The following GLI2 variants were observed in gnomAD, a reference collection of about 807,000 sequenced individuals.
The protein encoded by GLI2 is transcription activator GLI2.
GLI2 carries 22 observed loss-of-function variants against 78.9 expected under a neutral mutation model. That is an observed-to-expected ratio of 0.28 (90% CI 0.20 to 0.40). GLI2 has a LOEUF of 0.40. Among genes scored for constraint, GLI2 ranks in the 10% least tolerant of loss-of-function variants. GLI2 has a pLI of 1.00. For synonymous variants in GLI2, 974 were observed against 963.7 expected, an observed-to-expected ratio of 1.01 and a Z score of -0.20; for missense variants, 2,097 against 2,213.2, an observed-to-expected ratio of 0.95 and a Z score of 1.05.
intron 2 of GLI2, among the ~76,000 whole-genome samples, chr2:120,901,005 C>T (rs771220248): frequency 2.0e-5 from 3 of 152,130 alleles, no homozygotes; most frequent in Non-Finnish European, 1.5e-5. Flanking sequence ...TTTGTTTGTA[C>T]CAGGGTATGT....
intron 5 of GLI2, among the ~76,000 whole-genome samples, chr2:120,960,810 C>T (rs893678885): frequency 6.6e-6 from 1 of 152,222 alleles, no homozygotes; most frequent in African/African-American, 2.4e-5. Context: ...GCCGGCAGGA[C>T]AGAGGGATTT....
At chr2:120,947,268 C>T (rs539235460) in intron 3 of GLI2, among the ~76,000 whole-genome samples, 3 of 152,372 alleles carry the variant, frequency 2.0e-5, no homozygotes, top group South Asian at 2.1e-4. Flanking sequence ...TGTGGTTCTA[C>T]CACCTGCTAT....
Position 120,800,432 on chromosome 2 carries a change from A to G in GLI2, c.148+2964A>G, listed in dbSNP as rs534751654. Among the ~76,000 whole-genome samples the G allele has an allele frequency of 2.6e-5, 4 of 152,006 alleles. No individual in the cohort carries two copies. In the East Asian group the frequency reaches 5.8e-4, roughly 22 times the overall value. ...TCCAAATCCCGTGACATTGTCCCCC[A>G]TGGTTCACACCCTGATTTGCTGTCT... On this transcript the variant is annotated intron_variant, in intron 2 of 13. Coordinates refer to ENST00000361492, the MANE Select transcript of GLI2 (RefSeq NM_001374353.1). This position sits in a 1 kb window ranked among gnomAD's most constrained non-coding sequence, Gnocchi z 4.1.
intron 2 of GLI2, among the ~76,000 whole-genome samples, chr2:120,847,150 A>C (rs1687156403): frequency 6.6e-6 from 1 of 151,888 alleles, no homozygotes; most frequent in Non-Finnish European, 1.5e-5. Flanking sequence ...GAATTCCTGG[A>C]ATAGTCCTAG....
At chr2:120,954,752 A>G (rs771837754) in intron 4 of GLI2, among the ~76,000 whole-genome samples, 2 of 152,202 alleles carry the variant, frequency 1.3e-5, no homozygotes, top group Non-Finnish European at 2.9e-5. Context: ...TCTGCGCTGC[A>G]GGGATAAGGA....
intron 4 of GLI2, 76 bp downstream of exon 4, chr2:120,951,521 A>T: frequency 2.3e-6 from 2 of 859,514 alleles, no homozygotes; most frequent in Non-Finnish European, 3.8e-6. Context: ...TCACGCTAAC[A>T]CTGTCAACTC....
chr2:120,776,578 G>A (rs2104664463), intron 1 of GLI2, among the ~76,000 whole-genome samples: 1 of 152,272 alleles, frequency 6.6e-6, no homozygotes, highest in East Asian at 1.9e-4. Flanking sequence ...ATCACAGTGA[G>A]CCTTGGGTGG....
intron 3 of GLI2, among the ~76,000 whole-genome samples, chr2:120,943,690 G>A (rs1680570660): frequency 6.6e-6 from 1 of 152,178 alleles, no homozygotes; most frequent in African/African-American, 2.4e-5. Flanking sequence ...CCTGTGTCTG[G>A]CCCCAGCCAC....
At position 120,790,762 on chromosome 2, in the gene GLI2, G is replaced by T. The variant is rs149775429; in HGVS notation, c.-30-6529G>T. On this transcript the variant is annotated intron_variant, in intron 1 of 13. Transcript: ENST00000361492. ...CCTAGTGAAGCCATGGCAGGCTTCG[G>T]TTTCATGTACAGTGATGGGAAGGTG... Among the ~76,000 whole-genome samples, 97 of 152,266 alleles carry T rather than the reference G, an allele frequency of 6.4e-4. 1 individual carries two copies. The highest frequency in any genetic ancestry group is 2.2e-3 in the African/African-American group (91 of 41,560).
In GLI2 at chr2:120,841,896, G is replaced by A. The variant is rs150786095; in HGVS notation, c.148+44428G>A. ...GTGTGTGTGTGTGTGTGTGATGCTG[G>A]GCTCTGGGAAAGATAAATGAAGGCC... On this transcript the variant is annotated intron_variant, in intron 2 of 13. Transcript: ENST00000361492. 8.1e-4 allele frequency among the ~76,000 whole-genome samples: 87 copies of A among 108,056 alleles called. 1 individual carries two copies. The East Asian group carries it at 0.017, about 21-fold the overall frequency. 70.9% of individuals were successfully genotyped at this position (108,056 alleles called of 152,430 possible).
chr2:120,978,886 G>A (rs971534929), intron 10 of GLI2, among the ~76,000 whole-genome samples: 5 of 152,244 alleles, frequency 3.3e-5, no homozygotes, highest in Non-Finnish European at 2.9e-5. Context: ...CCTGCAGTTT[G>A]CTTGGCTGGG....
chr2:120,909,747 C>G (rs1339558620), intron 2 of GLI2, among the ~76,000 whole-genome samples: 1 of 152,090 alleles, frequency 6.6e-6, no homozygotes, highest in Non-Finnish European at 1.5e-5. Context: ...CGCCTGTGGT[C>G]CCAGCTACTC....
chr2:120,798,382 C>G (rs1393474236), intron 2 of GLI2, among the ~76,000 whole-genome samples: 1 of 152,156 alleles, frequency 6.6e-6, no homozygotes, highest in African/African-American at 2.4e-5. Context: ...TGTTGGGTGC[C>G]AAGATGATGC....
chr2:120,867,960 C>A (rs891128598), intron 2 of GLI2, among the ~76,000 whole-genome samples: 1 of 152,160 alleles, frequency 6.6e-6, no homozygotes. Context: ...CCCAGGCGAG[C>A]GTGCCAGGGA....
intron 2 of GLI2, among the ~76,000 whole-genome samples, chr2:120,832,506 A>G (rs1686413543): frequency 2.0e-5 from 3 of 152,050 alleles, no homozygotes; most frequent in African/African-American, 7.2e-5. Flanking sequence ...GGAGAACTCT[A>G]AACCTCGCTT....
intron 5 of GLI2, among the ~76,000 whole-genome samples, chr2:120,958,819 A>T (rs748683066): frequency 5.3e-5 from 8 of 152,182 alleles, no homozygotes; most frequent in Non-Finnish European, 1.2e-4. Flanking sequence ...AACTAGCTCC[A>T]CTGCACTAGC....
chr2:120,818,826 C>T (rs971082850), intron 2 of GLI2, among the ~76,000 whole-genome samples: 1 of 152,182 alleles, frequency 6.6e-6, no homozygotes, highest in Admixed American at 6.5e-5. Context: ...CCAGGGCCAC[C>T]CGGCTAGTAA....
rs902031331 is a variant in GLI2 at position 120,736,026 on chromosome 2, C to G, written c.-290C>G. Among the ~76,000 whole-genome samples the G allele has an allele frequency of 6.6e-6, 1 of 151,730 alleles. No homozygotes were observed. The highest frequency in any genetic ancestry group is 1.5e-5 in the Non-Finnish European group (1 of 67,922). On this transcript the variant is annotated 5_prime_UTR_variant, in exon 1 of 14. Transcript: ENST00000361492. ...GAAGGCCAGGAGCCGCAGGAGGAGC[C>G]GGAGGAAAGAGCTTGGGCCGCGCGG...
chr2:120,812,886 C>T (rs1573415579), intron 2 of GLI2, among the ~76,000 whole-genome samples: 2 of 152,204 alleles, frequency 1.3e-5, no homozygotes, highest in East Asian at 1.9e-4. Context: ...GGATGCTTCA[C>T]AGCAGTGAGG....
Sources: gnomAD v4.1 joint callset for allele counts (sites outside exome capture counted in the v4.1 genomes callset) on GRCh38, gnomAD v4.1.1 for gene constraint, Gnocchi (gnomAD v3.1) non-coding constraint, MANE v1.5 for transcripts, NCBI Gene and HGNC (gene_info 2026-07-23, HGNC 2026-07-21) for gene names.